NRXN1: variants seen among roughly 807,000 people sequenced by gnomAD.
NRXN1 encodes the protein neurexin 1.
NRXN1 carries 39 observed loss-of-function variants against 150.9 expected under a neutral mutation model. The observed-to-expected ratio is 0.26, with a 90% confidence interval of 0.20 to 0.34. The LOEUF (loss-of-function observed/expected upper bound fraction) is 0.34. NRXN1 is among the 10% of genes least tolerant of loss of function. NRXN1 has a pLI of 1.00. For missense variants in NRXN1, 1,815 were observed against 1,949.9 expected (o/e 0.93, Z 1.30); for synonymous variants, 924 against 757.0 (o/e 1.22, Z -3.62).
intron 5 of NRXN1, among the ~76,000 whole-genome samples, chr2:50,759,349 G>A (rs778661640): frequency 4.0e-5 from 6 of 151,790 alleles, no homozygotes; most frequent in Admixed American, 6.6e-5. Flanking sequence ...TCCACAACTC[G>A]GAAATATGTT....
intron 17 of NRXN1, among the ~76,000 whole-genome samples, chr2:50,454,973 G>A (rs917808585): frequency 3.3e-5 from 5 of 152,098 alleles, no homozygotes; most frequent in Admixed American, 1.3e-4. Context: ...TAGGCAGAGC[G>A]GAAGGAGGGA....
chr2:50,411,799 C>A (rs1230014519), intron 17 of NRXN1, among the ~76,000 whole-genome samples: 3 of 152,250 alleles, frequency 2.0e-5, no homozygotes, highest in Non-Finnish European at 4.4e-5. Context: ...CCGGCTGCCA[C>A]CCCGTCCCGG....
intron 17 of NRXN1, among the ~76,000 whole-genome samples, chr2:50,238,234 A>T (rs896860306): frequency 1.3e-5 from 2 of 152,044 alleles, no homozygotes; most frequent in Non-Finnish European, 2.9e-5. Context: ...AATAGAACCA[A>T]AAAAGAAAGA....
At chr2:50,806,261 T>G (rs559920907) in intron 5 of NRXN1, among the ~76,000 whole-genome samples, 2 of 152,158 alleles carry the variant, frequency 1.3e-5, no homozygotes, top group African/African-American at 4.8e-5. Flanking sequence ...GTGTATCAGC[T>G]TGAGTTGGAG....
intron 8 of NRXN1, among the ~76,000 whole-genome samples, chr2:50,565,376 T>C (rs938637943): frequency 6.6e-6 from 1 of 152,092 alleles, no homozygotes; most frequent in Non-Finnish European, 1.5e-5. Context: ...AATCGGTTTA[T>C]TCACTTCAAT....
At chr2:50,207,532 T>C (rs572875240) in intron 18 of NRXN1, 20 of 156,744 alleles carry the variant, frequency 1.3e-4, no homozygotes, top group Non-Finnish European at 2.8e-4. Context: ...ATTAATCTAC[T>C]CTTACCAATA....
intron 5 of NRXN1, among the ~76,000 whole-genome samples, chr2:50,730,128 GT>G (rs562937437): frequency 7.2e-4 from 109 of 152,024 alleles, no homozygotes; most frequent in African/African-American, 2.5e-3. Flanking sequence ...TTGAAGAAGA[GT>G]TTTTTTTCAC....
At chr2:50,386,542 G>A (rs1366354350) in intron 17 of NRXN1, among the ~76,000 whole-genome samples, 1 of 151,956 alleles carries the variant, frequency 6.6e-6, no homozygotes, top group Non-Finnish European at 1.5e-5. Flanking sequence ...CTAATAAGAT[G>A]AATATAAGCA....
At chr2:50,711,630 C>T (rs964864282) in intron 5 of NRXN1, among the ~76,000 whole-genome samples, 1 of 152,012 alleles carries the variant, frequency 6.6e-6, no homozygotes, top group African/African-American at 2.4e-5. Flanking sequence ...GCCACCGCAC[C>T]TGGGCTCAGG....
chr2:50,759,052 T>C (rs951063676), intron 5 of NRXN1, among the ~76,000 whole-genome samples: 1 of 151,960 alleles, frequency 6.6e-6, no homozygotes, highest in African/African-American at 2.4e-5. Flanking sequence ...AAAGCTATAA[T>C]TGACTCTTTG....
rs1558590793 is a variant in NRXN1 at position 50,357,313 on chromosome 2, T to TTTA, written c.3364+108128_3364+108129insTAA. Among the ~76,000 whole-genome samples the TTTA allele has an allele frequency of 4.3e-4, 65 of 151,888 alleles. 2 individuals are homozygous for TTTA. The East Asian group carries it at 6.4e-3, about 15-fold the overall frequency. On this transcript the variant is annotated intron_variant, in intron 17 of 22. Transcript: ENST00000401669. ...TTATTTATTTATTTATTTTTTTTTT[T>TTTA]ATTTATTATTTTGAGACAAAGTTTC...
chr2:50,143,782 C>T (rs1036837036), intron 18 of NRXN1, among the ~76,000 whole-genome samples: 1 of 151,848 alleles, frequency 6.6e-6, no homozygotes, highest in Non-Finnish European at 1.5e-5. Flanking sequence ...GGTTGATCTA[C>T]TCCCCATACT....
intron 2 of NRXN1, among the ~76,000 whole-genome samples, chr2:51,009,910 C>T (rs1410928318): frequency 2.0e-5 from 3 of 151,852 alleles, no homozygotes; most frequent in African/African-American, 7.2e-5. Context: ...ATTATTCAAT[C>T]TGACACACGA....
rs562794300 is a variant in NRXN1, at chr2:50,342,213, C to A, written c.3365-105243G>T. ...GAAATAAATCTATTAAAGTTTTGGG[C>A]AACCAAAAAATTATTCTAAAGTGCC... On this transcript the variant is annotated intron_variant, in intron 17 of 22. Transcript: ENST00000401669. Among the ~76,000 whole-genome samples, 3 of 152,270 alleles carry A rather than the reference C, an allele frequency of 2.0e-5. No individual in the cohort carries two copies. The East Asian group carries it at 5.8e-4, about 29-fold the overall frequency.
At chr2:50,746,591 AC>A (rs1212040792) in intron 5 of NRXN1, among the ~76,000 whole-genome samples, 12 of 152,002 alleles carry the variant, frequency 7.9e-5, no homozygotes, top group African/African-American at 1.2e-4. Context: ...AACAACAACA[AC>A]AACAAAAATG....
chr2:50,022,061 G>A (rs1687655240), intron 21 of NRXN1, among the ~76,000 whole-genome samples: 1 of 152,032 alleles, frequency 6.6e-6, no homozygotes, highest in South Asian at 2.1e-4. Flanking sequence ...GTGTTAGCCA[G>A]GATGATCTCA....
chr2:50,368,159 T>C (rs754363492), intron 17 of NRXN1, among the ~76,000 whole-genome samples: 1 of 151,984 alleles, frequency 6.6e-6, no homozygotes, highest in Non-Finnish European at 1.5e-5. Context: ...ATGTTGTTCA[T>C]GCAAATGAAA....
At chr2:50,592,798 T>C (rs1361006293) in intron 8 of NRXN1, among the ~76,000 whole-genome samples, 2 of 152,180 alleles carry the variant, frequency 1.3e-5, no homozygotes, top group Non-Finnish European at 2.9e-5. Context: ...AGTTTGAGTA[T>C]GTGGTTAGCG....
chr2:50,714,281 T>C (rs966652791), intron 5 of NRXN1, among the ~76,000 whole-genome samples: 2 of 152,060 alleles, frequency 1.3e-5, no homozygotes, highest in African/African-American at 2.4e-5. Context: ...CCAAATGAAA[T>C]CCTCACATTC....
Sources: gnomAD v4.1 joint callset for allele counts (sites outside exome capture counted in the v4.1 genomes callset) on GRCh38, gnomAD v4.1.1 for gene constraint, MANE v1.5 for transcripts, NCBI Gene and HGNC (gene_info 2026-07-23, HGNC 2026-07-21) for gene names.